Variants in DYSF observed in about 807,000 individuals in gnomAD.
The protein encoded by DYSF is dysferlin, also known as dystrophy-associated fer-1-like 1.
DYSF carries 212 observed loss-of-function variants against 274.9 expected under a neutral mutation model. The ratio of observed to expected loss-of-function variants is 0.77; its 90% CI spans 0.69 to 0.86. DYSF has a LOEUF of 0.86. Among genes scored for constraint, DYSF ranks in the 40% least tolerant of loss-of-function variants. The pLI, the probability that DYSF is intolerant of heterozygous loss-of-function variation, is 0.00. For synonymous variants in DYSF, 1,091 were observed against 1,078.7 expected (o/e 1.01, Z -0.22); for missense variants, 2,666 against 2,783.2 (o/e 0.96, Z 0.95).
At chr2:71,577,569 C>G (rs1307321627) in intron 30 of DYSF, among the ~76,000 whole-genome samples, 1 of 151,748 alleles carries the variant, frequency 6.6e-6, no homozygotes, top group Non-Finnish European at 1.5e-5. Flanking sequence ...CACATACCCT[C>G]ACACACACCA....
chr2:71,606,845 G>A (rs1436597582), intron 36 of DYSF, among the ~76,000 whole-genome samples: 1 of 152,178 alleles, frequency 6.6e-6, no homozygotes, highest in Non-Finnish European at 1.5e-5. Flanking sequence ...CAGGCCTGGG[G>A]AGGACCCAGG....
chr2:71,604,407 A>G (rs937250464), intron 36 of DYSF, among the ~76,000 whole-genome samples: 1 of 152,180 alleles, frequency 6.6e-6, no homozygotes, highest in Non-Finnish European at 1.5e-5. Context: ...CCTGCCTTGT[A>G]TCTCCCATCT....
At chr2:71,641,415 G>A (rs923187369) in intron 41 of DYSF, among the ~76,000 whole-genome samples, 9 of 152,000 alleles carry the variant, frequency 5.9e-5, no homozygotes, top group African/African-American at 1.7e-4. Context: ...TCCTGACCTC[G>A]TGATCCACCC....
Position 71,544,865 on chromosome 2 carries a change from G to A in DYSF, c.1576+5626G>A, listed in dbSNP as rs574682708. The stretch of plus-strand genomic sequence containing the variant: ...CATTCACTTCATTCTTTTAGGAGAT[G>A]CTTATTGAACATATGCCTTCTGTCA... On this transcript the variant is annotated intron_variant, in intron 17 of 55. Coordinates refer to ENST00000410020, the MANE Select transcript of DYSF (RefSeq NM_001130987.2). 7.2e-5 allele frequency among the ~76,000 whole-genome samples: 11 copies of A among 152,308 alleles called. No homozygotes were observed. The South Asian group carries it at 2.3e-3, about 32-fold the overall frequency.
At chr2:71,651,429 A>G (rs2094657516) in intron 42 of DYSF, among the ~76,000 whole-genome samples, 2 of 152,126 alleles carry the variant, frequency 1.3e-5, no homozygotes, top group African/African-American at 4.8e-5. Flanking sequence ...TAGATTTGAA[A>G]ATGTCCTTAA....
intron 41 of DYSF, among the ~76,000 whole-genome samples, chr2:71,642,950 AG>A (rs2094508995): frequency 6.6e-6 from 1 of 152,196 alleles, no homozygotes; most frequent in South Asian, 2.1e-4. Flanking sequence ...TCTCATACAG[AG>A]GAGGAAAGCG....
intron 10 of DYSF, among the ~76,000 whole-genome samples, chr2:71,518,727 T>C (rs13010162): frequency 0.8 from 121,363 of 151,996 alleles, 49,723 homozygotes; most frequent in African/African-American, 0.89. Flanking sequence ...ATTTTAAATA[T>C]GAATTTAAAA....
chr2:71,604,615 G>A (rs1046936835), intron 36 of DYSF, among the ~76,000 whole-genome samples: 5 of 152,222 alleles, frequency 3.3e-5, no homozygotes, highest in African/African-American at 1.2e-4. Flanking sequence ...TCTTGAGCCA[G>A]TTGAGATAGG....
intron 3 of DYSF, among the ~76,000 whole-genome samples, chr2:71,500,426 C>T (rs1175614254): frequency 6.6e-6 from 1 of 152,106 alleles, no homozygotes; most frequent in Non-Finnish European, 1.5e-5. Context: ...GACTTGCCCC[C>T]AGGCCGATAG....
At chr2:71,527,494 T>C (rs2152750144) in intron 13 of DYSF, among the ~76,000 whole-genome samples, 1 of 152,312 alleles carries the variant, frequency 6.6e-6, no homozygotes, top group Middle Eastern at 3.4e-3. Context: ...CAACTAGAAG[T>C]GAGGCTGGTG....
chr2:71,673,165 T>G (rs1277260462), intron 51 of DYSF, among the ~76,000 whole-genome samples: 2 of 152,234 alleles, frequency 1.3e-5, no homozygotes, highest in African/African-American at 4.8e-5. Flanking sequence ...GTGGTCACAC[T>G]GTTTCCTGTC....
chr2:71,517,611 AT>A (rs147744900), intron 10 of DYSF, among the ~76,000 whole-genome samples: 241 of 152,306 alleles, frequency 1.6e-3, no homozygotes, highest in African/African-American at 5.6e-3. Flanking sequence ...TCAAACTCAT[AT>A]TTTTATGACA....
chr2:71,527,361 A>G (rs984725059), intron 13 of DYSF, among the ~76,000 whole-genome samples: 2 of 152,204 alleles, frequency 1.3e-5, no homozygotes, highest in South Asian at 2.1e-4. Flanking sequence ...TCGGCTGCTG[A>G]CGTCAAGAAA....
intron 16 of DYSF, among the ~76,000 whole-genome samples, chr2:71,535,623 C>T (rs1033009986): frequency 6.6e-6 from 1 of 152,000 alleles, no homozygotes; most frequent in Admixed American, 6.6e-5. Context: ...CTAAGCTCAC[C>T]ATGAGGACAT....
intron 42 of DYSF, among the ~76,000 whole-genome samples, chr2:71,654,105 A>G (rs2094722102): frequency 6.6e-6 from 1 of 152,228 alleles, no homozygotes; most frequent in Non-Finnish European, 1.5e-5. Context: ...TACAAATGAC[A>G]AGGATGAGCA....
At chr2:71,682,927 G>A (rs2095313758) in intron 55 of DYSF, among the ~76,000 whole-genome samples, 1 of 152,188 alleles carries the variant, frequency 6.6e-6, no homozygotes, top group Non-Finnish European at 1.5e-5. Flanking sequence ...GTGAGACAAA[G>A]CTGTCCTCAG....
At chr2:71,616,911 A>AGTT (rs750062337) in intron 40 of DYSF, among the ~76,000 whole-genome samples, 1 of 151,702 alleles carries the variant, frequency 6.6e-6, no homozygotes, top group Non-Finnish European at 1.5e-5. Flanking sequence ...TTTGTTCACT[A>AGTT]GTTGTTGTTG....
intron 36 of DYSF, among the ~76,000 whole-genome samples, chr2:71,607,541 T>C (rs1439920949): frequency 6.6e-6 from 1 of 152,118 alleles, no homozygotes; most frequent in Non-Finnish European, 1.5e-5. Context: ...GGCTGCAGAT[T>C]GTAGAACGCG....
At chr2:71,675,033 G>GGT (rs2095196054) in intron 52 of DYSF, among the ~76,000 whole-genome samples, 1 of 152,272 alleles carries the variant, frequency 6.6e-6, no homozygotes, top group South Asian at 2.1e-4. Flanking sequence ...AAACATGCCA[G>GGT]GTGAAAGCAG....
Sources: gnomAD v4.1 joint callset for allele counts (sites outside exome capture counted in the v4.1 genomes callset) on GRCh38, gnomAD v4.1.1 for gene constraint, MANE v1.5 for transcripts, NCBI Gene and HGNC (gene_info 2026-07-23, HGNC 2026-07-21) for gene names.